ANK2: variants seen among roughly 807,000 people sequenced by gnomAD.
ANK2 encodes the protein ankyrin 2.
A neutral mutation model predicts 360.5 loss-of-function variants in ANK2; 83 were observed. The observed-to-expected ratio is 0.23, with a 90% confidence interval of 0.19 to 0.28. ANK2 has a LOEUF of 0.28. ANK2 is among the 10% of genes least tolerant of loss of function. ANK2 has a pLI of 1.00. For missense variants in ANK2, 4,201 were observed against 4,795.7 expected (o/e 0.88, Z 3.66); for synonymous variants, 1,740 against 1,759.5 (o/e 0.99, Z 0.28).
chr4:113,372,977 C>A, intron 43 of ANK2, 113 bp from the exon 44 acceptor site: 1 of 960,962 alleles, frequency 1.0e-6, no homozygotes, highest in Non-Finnish European at 1.7e-6. Context: ...CTCAGCAATG[C>A]TTCTCAACAT....
At chr4:113,097,866 G>GTGTA (rs1554119413) in intron 1 of ANK2, among the ~76,000 whole-genome samples, 6 of 108,788 alleles carry the variant, frequency 5.5e-5, no homozygotes, top group Admixed American at 3.5e-4. Flanking sequence ...GTGTGTGTGT[G>GTGTA]TATATATATG....
At chr4:113,374,666 C>T in intron 45 of ANK2, 2 of 806,944 alleles carry the variant, frequency 2.5e-6, no homozygotes, top group Non-Finnish European at 3.0e-6. Flanking sequence ...CAGTATGTAA[C>T]TTTATAGTTT....
At chr4:113,177,868 T>G (rs145104160) in intron 2 of ANK2, among the ~76,000 whole-genome samples, 4 of 152,290 alleles carry the variant, frequency 2.6e-5, no homozygotes, top group African/African-American at 9.6e-5. Context: ...GAAAGTGATA[T>G]TTTTCTAACT....
At chr4:112,786,834 C>T in the ANK2 span, among the ~76,000 whole-genome samples, 2 of 151,324 alleles carry the variant, frequency 1.3e-5, no homozygotes, top group Admixed American at 6.6e-5. Context: ...GTGCAGCCTC[C>T]ACCTCCCAGG....
chr4:113,170,241 T>C (rs995153610), intron 1 of ANK2, among the ~76,000 whole-genome samples: 1 of 152,248 alleles, frequency 6.6e-6, no homozygotes, highest in African/African-American at 2.4e-5. Context: ...GGATTTTCTA[T>C]TACACTCACT....
At chr4:113,019,659 A>T (rs1003915802) in intron 2 of ANK2, among the ~76,000 whole-genome samples, 2 of 152,186 alleles carry the variant, frequency 1.3e-5, no homozygotes, top group Non-Finnish European at 2.9e-5. Context: ...GAAAATTATA[A>T]TGGTAATCAA....
the ANK2 span, among the ~76,000 whole-genome samples, chr4:112,782,628 A>G: frequency 2.6e-5 from 4 of 152,004 alleles, no homozygotes; most frequent in African/African-American, 7.2e-5. Context: ...GCACTTTGGG[A>G]GGCCGAGATG....
intron 2 of ANK2, among the ~76,000 whole-genome samples, chr4:112,987,707 A>G (rs980420713): frequency 1.3e-5 from 2 of 152,144 alleles, no homozygotes; most frequent in Non-Finnish European, 2.9e-5. Flanking sequence ...CAACTGTAAC[A>G]TATATGTCTA....
At chr4:113,263,470 A>AGAT (rs2054200541) in intron 13 of ANK2, among the ~76,000 whole-genome samples, 2 of 152,354 alleles carry the variant, frequency 1.3e-5, no homozygotes, top group Admixed American at 1.3e-4. Context: ...AAATTAGAGT[A>AGAT]GATATCCAAT....
At chr4:112,903,667 A>G (rs537832424) in intron 1 of ANK2, among the ~76,000 whole-genome samples, 41 of 152,236 alleles carry the variant, frequency 2.7e-4, no homozygotes, top group Non-Finnish European at 5.9e-4. Flanking sequence ...AACCTGATGT[A>G]ATATAACAAG....
chr4:112,733,817 C>T, the ANK2 span, among the ~76,000 whole-genome samples: 1 of 152,208 alleles, frequency 6.6e-6, no homozygotes, highest in Non-Finnish European at 1.5e-5. Context: ...CCTTGTCGCC[C>T]AGCCTGGAGT....
intron 1 of ANK2, among the ~76,000 whole-genome samples, chr4:113,093,938 ACTCTTCTTTG>A (rs776179624): frequency 6.6e-6 from 1 of 152,124 alleles, no homozygotes; most frequent in Non-Finnish European, 1.5e-5. Context: ...GCTCATTGTA[ACTCTTCTTTG>A]CTTGAAAATC....
At chr4:113,153,174 A>T (rs1583198799) in intron 1 of ANK2, among the ~76,000 whole-genome samples, 1 of 151,874 alleles carries the variant, frequency 6.6e-6, no homozygotes, top group South Asian at 2.1e-4. Context: ...ATTCTGTTTG[A>T]TACTGTAGGA....
the ANK2 span, among the ~76,000 whole-genome samples, chr4:112,714,870 C>G: frequency 6.6e-6 from 1 of 152,174 alleles, no homozygotes. Context: ...ACACGTATAG[C>G]CTTGAGTTCA....
At chr4:112,852,784 G>GA in intron 1 of ANK2, among the ~76,000 whole-genome samples, 1 of 152,170 alleles carries the variant, frequency 6.6e-6, no homozygotes, top group Middle Eastern at 3.4e-3. Flanking sequence ...ATACTGACAG[G>GA]AAAAAAATGT....
intron 1 of ANK2, among the ~76,000 whole-genome samples, chr4:113,135,523 C>CTGTGTG (rs33960021): frequency 2.5e-4 from 37 of 149,428 alleles, no homozygotes; most frequent in East Asian, 7.9e-4. Flanking sequence ...GTGTGTCTCT[C>CTGTGTG]TGTGTGTGTG....
intron 1 of ANK2, among the ~76,000 whole-genome samples, chr4:112,831,201 G>A (rs533780491): frequency 1.4e-4 from 22 of 152,384 alleles, no homozygotes; most frequent in African/African-American, 2.9e-4. Flanking sequence ...GGCACGCGGC[G>A]TGGGACTGGC....
chr4:112,742,006 A>G, the ANK2 span, among the ~76,000 whole-genome samples: 1 of 152,152 alleles, frequency 6.6e-6, no homozygotes, highest in Non-Finnish European at 1.5e-5. Context: ...CTTAAATAAA[A>G]CAGGGCTGGG....
chr4:113,336,634 A>G lies in ANK2; in HGVS notation c.3649A>G (p.Ser1217Gly), dbSNP rs1420889213. ...GATCCTAGGCAACAAAGCTACCTTC[A>G]GCCCTATAGTCACTTTGGAACCTAG... ...KKILGNKATF[S>G]PIVTLEPRRR... The change falls in exon 31 of 46, where the codon AGC (serine) becomes GGC (glycine). Residue 1217 changes from serine to glycine, a missense_variant. By Grantham distance (56) the Ser-to-Gly change is moderately conservative. Coordinates refer to ENST00000357077, the MANE Select transcript of ANK2 (RefSeq NM_001148.6). 14 of 1,614,058 alleles carry G rather than the reference A, an allele frequency of 8.7e-6. No homozygotes were observed. The highest frequency in any genetic ancestry group is 9.3e-6 in the Non-Finnish European group (11 of 1,180,040).
Sources: gnomAD v4.1 joint callset for allele counts (sites outside exome capture counted in the v4.1 genomes callset) on GRCh38, gnomAD v4.1.1 for gene constraint, MANE v1.5 for transcripts, NCBI Gene and HGNC (gene_info 2026-07-23, HGNC 2026-07-21) for gene names.